ZNF407: variants seen among roughly 807,000 people sequenced by gnomAD.
The protein encoded by ZNF407 is zinc finger protein 407.
In ZNF407, 17 loss-of-function variants were observed where a neutral mutation model predicts 131.2. The ratio of observed to expected loss-of-function variants is 0.13; its 90% confidence interval spans 0.09 to 0.19. The LOEUF is 0.19. Among genes scored for constraint, ZNF407 ranks in the 10% least tolerant of loss-of-function variants. ZNF407 has a pLI of 1.00. For missense variants in ZNF407, 2,681 were observed against 2,830.6 expected (o/e 0.95, Z 1.20); for synonymous variants, 1,156 against 1,062.0 (o/e 1.09, Z -1.72).
chr18:74,857,996 C>T (rs971851197), intron 4 of ZNF407, among the ~76,000 whole-genome samples: 2 of 141,148 alleles, frequency 1.4e-5, no homozygotes, highest in African/African-American at 5.2e-5. Context: ...ACTCCTTCTA[C>T]CTCTCCCCTT....
chr18:74,898,229 T>C (rs1971478405), intron 7 of ZNF407: 1 of 152,236 alleles, frequency 6.6e-6, no homozygotes, highest in African/African-American at 2.4e-5. Flanking sequence ...GCATTTATTG[T>C]GTATATTTTG....
At chr18:74,792,023 C>T (rs1599157133) in intron 4 of ZNF407, among the ~76,000 whole-genome samples, 1 of 152,194 alleles carries the variant, frequency 6.6e-6, no homozygotes, top group East Asian at 1.9e-4. Flanking sequence ...CCGAGTCACC[C>T]TCAAGTTCAT....
intron 3 of ZNF407, among the ~76,000 whole-genome samples, chr18:74,678,493 C>T (rs1599063065): frequency 6.6e-6 from 1 of 152,160 alleles, no homozygotes; most frequent in South Asian, 2.1e-4. Context: ...ACCCATCAGC[C>T]TGCTGGCTGT....
At chr18:74,817,488 A>T (rs1360059248) in intron 4 of ZNF407, among the ~76,000 whole-genome samples, 1 of 152,182 alleles carries the variant, frequency 6.6e-6, no homozygotes, top group Non-Finnish European at 1.5e-5. Context: ...TTAGAAAAAT[A>T]TGTGTGATAA....
chr18:74,861,391 G>A (rs149237048), intron 4 of ZNF407, among the ~76,000 whole-genome samples: 15 of 152,232 alleles, frequency 9.9e-5, no homozygotes, highest in East Asian at 7.7e-4. Flanking sequence ...GCTTATTTTC[G>A]TCTGCTAGAG....
At chr18:74,913,648 G>A (rs538455063) in intron 7 of ZNF407, among the ~76,000 whole-genome samples, 2 of 152,320 alleles carry the variant, frequency 1.3e-5, no homozygotes, top group East Asian at 3.9e-4. Flanking sequence ...AGGGTACAGT[G>A]GAGACAGTGC....
intron 3 of ZNF407, among the ~76,000 whole-genome samples, chr18:74,764,567 A>G (rs12326962): frequency 0.02 from 3,096 of 152,334 alleles, 100 homozygotes; most frequent in African/African-American, 0.068. Flanking sequence ...ATACAATAGA[A>G]CAACTATTTA....
chr18:74,909,196 A>T (rs1599235583), intron 7 of ZNF407, among the ~76,000 whole-genome samples: 1 of 152,014 alleles, frequency 6.6e-6, no homozygotes, highest in African/African-American at 2.4e-5. Flanking sequence ...GTGCTCATAC[A>T]TATACTGTAA....
At chr18:74,996,138 C>G (rs1453227657) in intron 8 of ZNF407, among the ~76,000 whole-genome samples, 1 of 152,070 alleles carries the variant, frequency 6.6e-6, no homozygotes, top group Non-Finnish European at 1.5e-5. Flanking sequence ...GTTAATCAGC[C>G]CGCTGAAAAC....
chr18:74,823,667 G>T (rs976008040), intron 4 of ZNF407, among the ~76,000 whole-genome samples: 1 of 152,046 alleles, frequency 6.6e-6, no homozygotes, highest in Non-Finnish European at 1.5e-5. Context: ...GCTAACTATC[G>T]TAAATATGTA....
intron 4 of ZNF407, among the ~76,000 whole-genome samples, chr18:74,808,007 A>C (rs536713938): frequency 6.6e-6 from 1 of 151,218 alleles, no homozygotes; most frequent in South Asian, 2.1e-4. Context: ...AGTATGCCAC[A>C]GCACCTCACA....
chr18:75,039,291 C>T (rs1394685661), intron 8 of ZNF407, among the ~76,000 whole-genome samples: 1 of 152,206 alleles, frequency 6.6e-6, no homozygotes, highest in Admixed American at 6.5e-5. Context: ...AGTATTTTCT[C>T]AGTCTTAGGT....
At chr18:74,629,647 G>A (rs1358420513) in intron 1 of ZNF407, among the ~76,000 whole-genome samples, 5 of 152,082 alleles carry the variant, frequency 3.3e-5, no homozygotes, top group African/African-American at 4.8e-5. Flanking sequence ...TTTTAGCTGA[G>A]TCAAAGCAAT....
intron 8 of ZNF407, chr18:75,062,011 C>T (rs1427100626): frequency 6.6e-6 from 1 of 152,292 alleles, no homozygotes; most frequent in Non-Finnish European, 1.5e-5. Flanking sequence ...GCCCATAGCC[C>T]AGGTACCTTA....
intron 3 of ZNF407, among the ~76,000 whole-genome samples, chr18:74,673,744 GCACA>G (rs147062375): frequency 1.3e-5 from 2 of 152,000 alleles, no homozygotes; most frequent in Admixed American, 6.6e-5. Context: ...ATACACAAGT[GCACA>G]CACACACACA....
At chr18:74,877,167 T>A (rs756685829) in intron 4 of ZNF407, 30 bp from the exon 5 acceptor site, 6 of 1,608,982 alleles carry the variant, frequency 3.7e-6, no homozygotes, top group Non-Finnish European at 5.1e-6. Context: ...GCGGGCCATA[T>A]TTATATTGTT....
chr18:74,887,025 T>C (rs969671542), intron 6 of ZNF407, among the ~76,000 whole-genome samples: 3 of 152,216 alleles, frequency 2.0e-5, no homozygotes. Context: ...TACAGCACTT[T>C]GACATTGGTG....
rs966604763 is a variant in ZNF407 at position 74,631,828 on chromosome 18, G to A, written c.809G>A (p.Arg270His). 4.0e-5 allele frequency: 65 copies of A among 1,613,888 alleles called. No individual in the cohort carries two copies. The highest frequency in any genetic ancestry group is 5.3e-5 in the Non-Finnish European group (63 of 1,179,908). The change falls in exon 2 of 9, where the codon CGT (arginine) becomes CAT (histidine). Residue 270 changes from arginine (R) to histidine (H), a missense_variant. By Grantham distance (29) the Arg-to-His change is conservative. Around this residue, in one of 6 missense-constraint regions of ZNF407, gnomAD observed 1,789 missense variants for 1,748.7 expected, o/e 1.02. Transcript: ENST00000299687. ...CATTATCTTGGCAAAACACATCTCC[G>A]TCGTCAGAATCTGGCTGCTCGTGGA... is the stretch of plus-strand genomic sequence containing the variant. ...NAHYLGKTHL[R>H]RQNLAARGGF...
chr18:75,013,294 CATG>C (rs966535036), intron 8 of ZNF407, among the ~76,000 whole-genome samples: 2 of 152,102 alleles, frequency 1.3e-5, no homozygotes, highest in Admixed American at 1.3e-4. Context: ...TTAGAAAAGA[CATG>C]ATGTTTCACA....
Sources: gnomAD v4.1 joint callset for allele counts (sites outside exome capture counted in the v4.1 genomes callset) on GRCh38, gnomAD v4.1.1 for gene constraint, gnomAD v4.1.1 regional missense constraint, MANE v1.5 for transcripts, NCBI Gene and HGNC (gene_info 2026-07-23, HGNC 2026-07-21) for gene names.